Variants in UBAP2 observed in about 807,000 individuals in gnomAD.
UBAP2 encodes ubiquitin-associated protein 2.
A neutral mutation model predicts 139.6 loss-of-function variants in UBAP2; 75 were observed. The observed-to-expected ratio is 0.54, with a 90% CI of 0.45 to 0.65. The LOEUF (loss-of-function observed/expected upper bound fraction) is 0.65. UBAP2 is among the 30% of genes least tolerant of loss of function. The pLI, the probability that UBAP2 is intolerant of heterozygous loss-of-function variation, is 0.00. For synonymous variants in UBAP2, 526 were observed against 526.2 expected, an observed-to-expected ratio of 1.00 and a Z score of 0.01; for missense variants, 1,368 against 1,369.6, an observed-to-expected ratio of 1.00 and a Z score of 0.02.
chr9:33,951,120 TG>T (rs1489813981), intron 12 of UBAP2, among the ~76,000 whole-genome samples: 4 of 151,952 alleles, frequency 2.6e-5, no homozygotes, highest in Non-Finnish European at 4.4e-5. Context: ...GATCCTCCCA[TG>T]CCAGCCTCTC....
At chr9:34,028,820 A>G (rs1339812229) in intron 1 of UBAP2, among the ~76,000 whole-genome samples, 3 of 152,084 alleles carry the variant, frequency 2.0e-5, no homozygotes, top group Non-Finnish European at 4.4e-5. Context: ...AAAAAAAGCA[A>G]AAAAGCCTAT....
At position 33,986,850 on chromosome 9, in the gene UBAP2, G is replaced by C. The variant is rs1306039637; in HGVS notation, c.443-13C>G. The C allele has an allele frequency of 1.2e-6, 2 of 1,612,602 alleles. No individual in the cohort carries two copies. The highest frequency in any genetic ancestry group is 1.1e-5 in the South Asian group (1 of 91,052). ...TCTTCACCTCTAACTAGGGGGAAAA[G>C]AGCAGAAAAATCAAATTTCCATTTC... On this transcript the variant is annotated splice_polypyrimidine_tract_variant and intron_variant, in intron 5 of 28. Coordinates refer to ENST00000379238, the MANE Select transcript of UBAP2 (RefSeq NM_001370062.2).
intron 1 of UBAP2, among the ~76,000 whole-genome samples, chr9:34,028,185 T>C (rs1825574631): frequency 6.6e-6 from 1 of 151,864 alleles, no homozygotes; most frequent in Non-Finnish European, 1.5e-5. Flanking sequence ...GGATATAACC[T>C]GCCCATGGAA....
intron 1 of UBAP2, among the ~76,000 whole-genome samples, chr9:34,047,705 G>C (rs1827729206): frequency 6.6e-6 from 1 of 152,192 alleles, no homozygotes; most frequent in Non-Finnish European, 1.5e-5. Flanking sequence ...AACTAGCTGA[G>C]CACCGTGGTG....
At position 34,043,798 on chromosome 9, in the gene UBAP2, C is replaced by CT. The variant is rs548646218; in HGVS notation, c.-42+5026dup. ...CAGGAGCCATGGAGCCAGGCTCCAA[C>CT]TTTTTTTTTTTTTAAACATATACTC... On this transcript the variant is annotated intron_variant, in intron 1 of 28. Coordinates refer to ENST00000379238, the MANE Select transcript of UBAP2 (RefSeq NM_001370062.2). Among the ~76,000 whole-genome samples, 181 of 143,290 alleles carry CT rather than the reference C, an allele frequency of 1.3e-3. 1 individual carries two copies. The highest frequency in any genetic ancestry group is 1.7e-3 in the Non-Finnish European group (110 of 65,886). 94.0% of individuals were successfully genotyped at this position (143,290 alleles called of 152,430 possible). A position where few individuals can be genotyped will look rare whatever the true frequency, so the allele number is the denominator to read the frequency against.
intron 16 of UBAP2, among the ~76,000 whole-genome samples, chr9:33,937,101 C>G (rs1824614216): frequency 6.7e-6 from 1 of 148,458 alleles, no homozygotes; most frequent in African/African-American, 2.5e-5. Context: ...CAAACTCTTT[C>G]TAAAAAATAA....
chr9:33,972,374 G>C (rs1316650416), intron 7 of UBAP2, among the ~76,000 whole-genome samples: 1 of 152,206 alleles, frequency 6.6e-6, no homozygotes, highest in Non-Finnish European at 1.5e-5. Flanking sequence ...CTAATGAGCA[G>C]GGCTATGTCT....
intron 8 of UBAP2, 133 bp from the exon 9 acceptor site, chr9:33,963,924 T>G (rs2131020977): frequency 1.5e-6 from 1 of 663,510 alleles, no homozygotes; most frequent in South Asian, 1.8e-5. Flanking sequence ...GTAATTGAAA[T>G]CCATACTCTT....
intron 22 of UBAP2, 35 bp from the exon 23 acceptor site, chr9:33,924,319 G>A (rs759814876): frequency 1.9e-6 from 3 of 1,595,018 alleles, no homozygotes; most frequent in Non-Finnish European, 2.6e-6. Flanking sequence ...TCAGCGACTG[G>A]CCCTGCTTGA....
At position 33,923,262 on chromosome 9, in the gene UBAP2, T is replaced by G. The variant is rs1484582370; in HGVS notation, c.2928A>C (p.Ala976=). ...CATAGCCACCTTTGGAGTAGTCTCC[T>G]GCTGCTGTCCCCTGGGTCAGGTCGT... ...GYDDLTQGTA[A]GDYSKGGYAG... is the part of the protein sequence containing the mutation. The change falls in exon 26 of 29, where the codon GCA becomes GCC. Residue 976 remains alanine (A), a synonymous_variant. Transcript: ENST00000379238. The G allele has an allele frequency of 6.2e-7, 1 of 1,614,204 alleles. No individual in the cohort carries two copies. The highest frequency in any genetic ancestry group is 8.5e-7 in the Non-Finnish European group (1 of 1,180,030).
Position 33,953,461 on chromosome 9 carries a change from C to T in UBAP2, c.880G>A (p.Ala294Thr), listed in dbSNP as rs1826274852. The T allele has an allele frequency of 6.2e-7, 1 of 1,613,924 alleles. No homozygotes were observed. Among genetic ancestry groups the T allele is most frequent in the Admixed American group, 1.7e-5 (1 of 60,022 alleles). ...ILPGQSIDLVALLQKPVPHSQ... is the reference protein window; with the variant it reads ...ILPGQSIDLVTLLQKPVPHSQ... ...TGAGGAACAGGCTTCTGGAGCAAGG[C>T]TACCAGATCAATGCTAAGCAGACAA... Residue 294 changes from alanine to threonine, a missense_variant, in exon 12 of 29, where the codon GCC (alanine) becomes ACC (threonine). Transcript: ENST00000379238.
At chr9:34,004,547 C>T (rs7870849) in intron 2 of UBAP2, among the ~76,000 whole-genome samples, 19,130 of 151,788 alleles carry the variant, frequency 0.13, 1,501 homozygotes, top group African/African-American at 0.22. Flanking sequence ...CTTTGGGAGG[C>T]CAAGGCGGGT....
chr9:33,946,864 G>T (rs190124730), intron 13 of UBAP2, among the ~76,000 whole-genome samples: 19 of 152,330 alleles, frequency 1.2e-4, no homozygotes, highest in Non-Finnish European at 2.5e-4. Flanking sequence ...TATGTGTGCA[G>T]AAAAAGTTAA....
chr9:33,995,455 A>C (rs1822092106), intron 4 of UBAP2: 1 of 139,954 alleles, frequency 7.1e-6, no homozygotes, highest in South Asian at 2.1e-4. Flanking sequence ...AATATTATAT[A>C]TAATATATAT....
intron 3 of UBAP2, chr9:33,997,482 T>C (rs1364450714): frequency 6.6e-6 from 1 of 152,212 alleles, no homozygotes; most frequent in Non-Finnish European, 1.5e-5. Flanking sequence ...TAATCACAGC[T>C]CTCTGCACTA....
chr9:33,995,557 A>ATATAAATAT (rs1564053628), intron 4 of UBAP2: 35 of 52,782 alleles, frequency 6.6e-4, no homozygotes, highest in Admixed American at 1.8e-3. Context: ...ATTATTAAAT[A>ATATAAATAT]ATTTAATTTA....
chr9:33,927,417 G>T (rs1312261281), intron 20 of UBAP2, among the ~76,000 whole-genome samples: 1 of 152,222 alleles, frequency 6.6e-6, no homozygotes, highest in African/African-American at 2.4e-5. Flanking sequence ...AGTGCCAGGA[G>T]AGGGACAGGC....
intron 2 of UBAP2, among the ~76,000 whole-genome samples, chr9:34,002,843 G>A (rs143466465): frequency 8.0e-5 from 12 of 150,430 alleles, no homozygotes; most frequent in East Asian, 2.0e-4. Flanking sequence ...CGCACAACAC[G>A]ACACCTGGTT....
chr9:33,944,314 T>C (rs766411093), intron 14 of UBAP2, 51 bp downstream of exon 14: 1 of 1,594,322 alleles, frequency 6.3e-7, no homozygotes, highest in Non-Finnish European at 8.6e-7. Context: ...TAGAGCTGAA[T>C]GTAAAAATAA....
Sources: gnomAD v4.1 joint callset for allele counts (sites outside exome capture counted in the v4.1 genomes callset) on GRCh38, gnomAD v4.1.1 for gene constraint, MANE v1.5 for transcripts, NCBI Gene and HGNC (gene_info 2026-07-23, HGNC 2026-07-21) for gene names.